The following SERINC4 variants were observed in gnomAD, a reference collection of about 807,000 sequenced individuals.
SERINC4 encodes the protein serine incorporator 4.
SERINC4 carries 52 observed loss-of-function variants against 52.0 expected under a neutral mutation model. That is an observed-to-expected ratio of 1.00 (90% CI 0.80 to 1.26). The LOEUF (loss-of-function observed/expected upper bound fraction) is 1.26. Ranked by LOEUF, SERINC4 falls within the 50% of genes most tolerant of loss-of-function variation. The pLI is 0.00. For missense variants in SERINC4, 723 were observed against 632.8 expected (o/e 1.14, Z -1.53); for synonymous variants, 264 against 247.7 (o/e 1.07, Z -0.62).
chr15:43,794,295 C>T lies in SERINC4; in HGVS notation c.*705G>A. 3.6e-6 allele frequency: 1 copy of T among 274,844 alleles called. No homozygotes were observed. Among genetic ancestry groups the T allele is most frequent in the Admixed American group, 4.9e-5 (1 of 20,536 alleles). The allele number at this position is 274,844 out of a possible 1,614,324, so 17.0% of individuals were successfully genotyped here. A position where few individuals can be genotyped will look rare whatever the true frequency, so the allele number is the denominator to read the frequency against. On this transcript the variant is annotated 3_prime_UTR_variant, in exon 12 of 12. Coordinates refer to ENST00000319327, the MANE Select transcript of SERINC4 (RefSeq NM_001258031.2). ...GATTTTTGTTCCCCACCCTTGAACA[C>T]CATCTCTAGGATGGAGTTGGCCTAA...
chr15:43,794,441 G>A lies in SERINC4; in HGVS notation c.*559C>T, dbSNP rs2087153607. The A allele has an allele frequency of 6.1e-6, 1 of 162,666 alleles. No individual in the cohort carries two copies. Among genetic ancestry groups the A allele is most frequent in the Non-Finnish European group, 1.4e-5 (1 of 74,046 alleles). The allele number at this position is 162,666 out of a possible 1,614,324, so 10.1% of individuals were successfully genotyped here. ...CACCGACTTCCCGTGGTCAGCTGCTGTCAAGCGTTCACTTTCTCTTCTGTC... is the reference window on the plus strand; with the variant it reads ...CACCGACTTCCCGTGGTCAGCTGCTATCAAGCGTTCACTTTCTCTTCTGTC... On this transcript the variant is annotated 3_prime_UTR_variant, in exon 12 of 12. Coordinates refer to ENST00000319327, the MANE Select transcript of SERINC4 (RefSeq NM_001258031.2).
In SERINC4 at chr15:43,795,388, C is replaced by G; in HGVS notation, c.1343G>C (p.Ser448Thr). 1 of 1,614,146 alleles carries G rather than the reference C, an allele frequency of 6.2e-7. No individual in the cohort carries two copies. The highest frequency in any genetic ancestry group is 1.1e-5 in the South Asian group (1 of 91,068). ...YVMVTLTNWFSYEGAELEKTF... is the reference protein window; with the variant it reads ...YVMVTLTNWFTYEGAELEKTF... ...GTATCTAAGGCCCACTCCATCTTAC[C>G]TGAACCAGTTGGTAAGGGTAACCAT... Residue 448 changes from serine (S) to threonine (T), a missense_variant and splice_region_variant, in exon 11 of 12, where the codon AGC becomes ACC. Ser to Thr is a moderately conservative substitution (Grantham distance 58, BLOSUM62 1). Coordinates refer to ENST00000319327, the MANE Select transcript of SERINC4 (RefSeq NM_001258031.2).
intron 5 of SERINC4, 104 bp downstream of exon 5, chr15:43,797,816 A>C (rs988286734): frequency 7.8e-6 from 6 of 764,534 alleles, no homozygotes; most frequent in Non-Finnish European, 1.1e-5. Flanking sequence ...GCTCAGTGGG[A>C]AGCTGTGGGA....
rs1235456411 is a variant in SERINC4, at chr15:43,797,394, C to CA, written c.633-39dup. 2.1e-6 allele frequency: 3 copies of CA among 1,401,766 alleles called. No homozygotes were observed. In the East Asian group the frequency reaches 7.5e-5, roughly 35 times the overall value. The allele number at this position is 1,401,766 out of a possible 1,614,324, so 86.8% of individuals were successfully genotyped here. On this transcript the variant is annotated intron_variant, in intron 5 of 11. Transcript: ENST00000319327. ...AGTGGGCAATGGCTTGGAGCTCCAG[C>CA]ATTTTTTTTTTTTTTGAGTTGGGAG...
chr15:43,797,833 C>A, intron 5 of SERINC4, 87 bp downstream of exon 5: 1 of 886,312 alleles, frequency 1.1e-6, no homozygotes. Flanking sequence ...GGGACCAGTG[C>A]TCTGCCGTGC....
rs1305133641 is a variant in SERINC4, at chr15:43,796,137, G to C, written c.1140+18C>G. 1 of 1,580,882 alleles carries C rather than the reference G, an allele frequency of 6.3e-7. No homozygotes were observed. The highest frequency in any genetic ancestry group is 8.7e-7 in the Non-Finnish European group (1 of 1,149,680). On this transcript the variant is annotated intron_variant, in intron 9 of 11. Transcript: ENST00000319327. ...GGGGGAGGGAGGGTGTTGGGGATAT[G>C]GAGCTCTTTATCCTCACCTGAAACT...
chr15:43,797,123 A>G, intron 6 of SERINC4, 22 bp downstream of exon 6: 6 of 1,548,340 alleles, frequency 3.9e-6, no homozygotes, highest in Non-Finnish European at 5.2e-6. Context: ...AAAACCTGGA[A>G]TGCTGTAGGA....
intron 5 of SERINC4, 185 bp downstream of exon 5, chr15:43,797,735 C>G: frequency 3.4e-6 from 2 of 585,194 alleles, no homozygotes; most frequent in Admixed American, 6.0e-5. Context: ...CCCCTGCTCT[C>G]AGAAGACTGG....
rs1247541870 is a variant in SERINC4 at position 43,798,980 on chromosome 15, G to A, written c.437C>T (p.Pro146Leu). The part of the protein sequence containing the change: ...LLVHLHSPTS[P>L]RAQLHNSFWL... Reference sequence around the variant, plus strand: ...AAACCTATTATGCAGCTGTGCCCGCGGGCTGGTGGGGGAGTGGAGGTGGAC... The same window carrying A: ...AAACCTATTATGCAGCTGTGCCCGCAGGCTGGTGGGGGAGTGGAGGTGGAC... The change falls in exon 3 of 12, where the codon CCG becomes CTG. Residue 146 changes from proline to leucine, a missense_variant. Pro to Leu is a moderately conservative substitution (Grantham distance 98). Transcript: ENST00000319327. 7 of 1,550,346 alleles carry A rather than the reference G, an allele frequency of 4.5e-6. No individual in the cohort carries two copies. The Admixed American group carries it at 5.9e-5, about 13-fold the overall frequency.
chr15:43,796,533 A>G, intron 8 of SERINC4, 83 bp downstream of exon 8: 2 of 1,452,508 alleles, frequency 1.4e-6, no homozygotes, highest in South Asian at 1.2e-5. Context: ...ACTTTAAATA[A>G]TGGTCCCAGA....
At chr15:43,797,395 ATTTTT>A in intron 5 of SERINC4, 39 bp from the exon 6 acceptor site, 1 of 1,260,498 alleles carries the variant, frequency 7.9e-7, no homozygotes, top group Non-Finnish European at 1.1e-6. Flanking sequence ...GAGCTCCAGC[ATTTTT>A]TTTTTTTTTG....
chr15:43,795,949 T>A, intron 9 of SERINC4: 1 of 641,364 alleles, frequency 1.6e-6, no homozygotes, highest in East Asian at 2.7e-5. Context: ...ATGGAGCAAA[T>A]ACCTACCTCA....
chr15:43,797,844 C>T, intron 5 of SERINC4, 76 bp downstream of exon 5: 1 of 1,063,820 alleles, frequency 9.4e-7, no homozygotes, highest in Non-Finnish European at 1.4e-6. Flanking sequence ...TCTGCCGTGC[C>T]TTTTGCCCAG....
At position 43,795,146 on chromosome 15, in the gene SERINC4, C is replaced by T. The variant is rs1361111032; in HGVS notation, c.1411G>A (p.Ala471Thr). ...GSWATFWVKV[A>T]SCWACVLLYL... ...AGGAGTACGCAGGCCCAGCATGAGG[C>T]AACCTTGACCCAGAAGGTGGCCCAG... Residue 471 changes from alanine (A) to threonine (T), a missense_variant, in exon 12 of 12, where the codon GCC (alanine) becomes ACC (threonine). Transcript: ENST00000319327. 1 of 1,614,008 alleles carries T rather than the reference C, an allele frequency of 6.2e-7. No homozygotes were observed. Among genetic ancestry groups the T allele is most frequent in the African/African-American group, 1.3e-5 (1 of 74,886 alleles).
At position 43,794,855 on chromosome 15, in the gene SERINC4, ACTT is replaced by A. The variant is rs920763946; in HGVS notation, c.*142_*144del. The A allele has an allele frequency of 6.0e-6, 4 of 664,364 alleles. No individual in the cohort carries two copies. In the African/African-American group the frequency reaches 7.2e-5, roughly 12 times the overall value. The allele number at this position is 664,364 out of a possible 1,614,324, so 41.2% of individuals were successfully genotyped here. ...CCAGCACATTAGACTGTGTTTGACC[ACTT>A]CTTCCAGTTCATAGTATTGACTTCA... On this transcript the variant is annotated 3_prime_UTR_variant, in exon 12 of 12. Transcript: ENST00000319327.
chr15:43,799,093 A>T lies in SERINC4; in HGVS notation c.324T>A (p.Ser108=). 1 of 1,550,366 alleles carries T rather than the reference A, an allele frequency of 6.5e-7. No homozygotes were observed. The highest frequency in any genetic ancestry group is 8.7e-7 in the Non-Finnish European group (1 of 1,146,782). Residue 108 remains serine (S), a synonymous_variant, in exon 3 of 12, where the codon TCT becomes TCA. Transcript: ENST00000319327. ...SGLCAHLFGL[S]DCPVLSGSGA... ...CAGAGCCACTGAGCACTGGACAGTC[A>T]GAGAGGCCAAACAGGTGGGCACACA...
chr15:43,797,072 A>G (rs1278070627), intron 6 of SERINC4, 73 bp downstream of exon 6: 3 of 1,448,604 alleles, frequency 2.1e-6, no homozygotes, highest in Non-Finnish European at 2.9e-6. Context: ...AATAATTGAG[A>G]TTAGGGAGGT....
Position 43,799,103 on chromosome 15 carries a change from A to C in SERINC4, c.314T>G (p.Phe105Cys). 1 of 1,550,454 alleles carries C rather than the reference A, an allele frequency of 6.4e-7. No individual in the cohort carries two copies. The highest frequency in any genetic ancestry group is 8.7e-7 in the Non-Finnish European group (1 of 1,146,880). ...GAGCACTGGACAGTCAGAGAGGCCAAACAGGTGGGCACACAACCCCGAGGG... is the reference window on the plus strand; with the variant it reads ...GAGCACTGGACAGTCAGAGAGGCCACACAGGTGGGCACACAACCCCGAGGG... The part of the protein sequence containing the change: ...QMPSGLCAHL[F>C]GLSDCPVLSG... Residue 105 changes from phenylalanine (F) to cysteine (C), a missense_variant, in exon 3 of 12, where the codon TTT becomes TGT. Physicochemically the swap from Phe to Cys is radical, Grantham distance 205. Transcript: ENST00000319327.
Position 43,796,671 on chromosome 15 carries a change from T to TA in SERINC4, c.1011dup (p.Ile338TyrfsTer9). 1.2e-6 allele frequency: 2 copies of TA among 1,614,114 alleles called. No individual in the cohort carries two copies. The highest frequency in any genetic ancestry group is 1.7e-6 in the Non-Finnish European group (2 of 1,179,998). ...CTAGCACTCAGCATTGCTAGAGAGATATCTGGTGTTTGGGGTTCCATTTTA... is the reference window on the plus strand; with the variant it reads ...CTAGCACTCAGCATTGCTAGAGAGATAATCTGGTGTTTGGGGTTCCATTTTA... On this transcript the variant is annotated frameshift_variant, in exon 8 of 12. Transcript: ENST00000319327. LOFTEE classifies it high-confidence loss of function.
Sources: gnomAD v4.1 joint callset for allele counts on GRCh38, gnomAD v4.1.1 for gene constraint, MANE v1.5 for transcripts, NCBI Gene and HGNC (gene_info 2026-07-23, HGNC 2026-07-21) for gene names.